PCDHGA8: variants seen among roughly 807,000 people sequenced by gnomAD.
PCDHGA8 encodes the protein protocadherin gamma-A8.
In PCDHGA8, 45 loss-of-function variants were observed where a neutral mutation model predicts 59.2. The observed-to-expected ratio is 0.76, with a 90% confidence interval of 0.60 to 0.98. The LOEUF is 0.98. Among genes scored for constraint, PCDHGA8 ranks in the 50% least tolerant of loss-of-function variants. The pLI, the probability that PCDHGA8 is intolerant of heterozygous loss-of-function variation, is 0.00. For missense variants in PCDHGA8, 1,257 were observed against 1,196.2 expected, an observed-to-expected ratio of 1.05 and a Z score of -0.75; for synonymous variants, 531 against 519.0, an observed-to-expected ratio of 1.02 and a Z score of -0.32.
At position 141,393,430 on chromosome 5, in the gene PCDHGA8, C is replaced by G; in HGVS notation, c.617C>G (p.Ala206Gly). 1 of 1,614,040 alleles carries G rather than the reference C, an allele frequency of 6.2e-7. No homozygotes were observed. Among genetic ancestry groups the G allele is most frequent in the Non-Finnish European group, 8.5e-7 (1 of 1,179,910 alleles). Reference protein sequence around the residue: ...LERALDREEEAAHHLVLTASD... With the variant: ...LERALDREEEGAHHLVLTASD... ...CGCGCCCTGGACAGGGAGGAAGAGGCTGCTCACCACCTGGTCCTCACGGCC... is the reference window on the plus strand; with the variant it reads ...CGCGCCCTGGACAGGGAGGAAGAGGGTGCTCACCACCTGGTCCTCACGGCC... Residue 206 changes from alanine to glycine, a missense_variant, in exon 1 of 4, where the codon GCT (alanine) becomes GGT (glycine). By Grantham distance (60) the Ala-to-Gly change is moderately conservative. Transcript: ENST00000398604.
chr5:141,393,500 C>T lies in PCDHGA8; in HGVS notation c.687C>T (p.His229=), dbSNP rs747121608. 6.2e-6 allele frequency: 10 copies of T among 1,613,922 alleles called. No homozygotes were observed. In the African/African-American group the frequency reaches 6.7e-5, roughly 11 times the overall value. Residue 229 remains histidine, a synonymous_variant, in exon 1 of 4, where the codon CAC becomes CAT. Coordinates refer to ENST00000398604, the MANE Select transcript of PCDHGA8 (RefSeq NM_032088.2). ...KPPRSSTVRI[H]VTVLDTNDNA... is the part of the protein sequence containing the mutation. The stretch of plus-strand genomic sequence containing the variant: ...CTCGCTCTAGCACAGTGCGCATCCA[C>T]GTGACAGTGTTGGATACAAATGACA...
In PCDHGA8 at chr5:141,417,676, C is replaced by G. The variant is rs902104404; in HGVS notation, c.2424+22439C>G. The G allele has an allele frequency of 1.7e-5, 17 of 993,450 alleles. No individual in the cohort carries two copies. The African/African-American group carries it at 2.8e-4, about 16-fold the overall frequency. The allele number at this position is 993,450 out of a possible 1,614,324, so 61.5% of individuals were successfully genotyped here. ...AGCCTGGGATTCCCTGCGCAGCCAACAACAGAAAAGAAAACCAGCTCCCAC... is the reference window on the plus strand; with the variant it reads ...AGCCTGGGATTCCCTGCGCAGCCAAGAACAGAAAAGAAAACCAGCTCCCAC... On this transcript the variant is annotated intron_variant, in intron 1 of 3. Transcript: ENST00000398604.
rs950537869 is a variant in PCDHGA8, at chr5:141,432,150, A to G, written c.2424+36913A>G. 6.2e-7 allele frequency: 1 copy of G among 1,614,010 alleles called. No homozygotes were observed. On this transcript the variant is annotated intron_variant, in intron 1 of 3. Coordinates refer to ENST00000398604, the MANE Select transcript of PCDHGA8 (RefSeq NM_032088.2). The surrounding 1 kb of genome is among the most constrained non-coding windows in gnomAD (Gnocchi z 6.0). ...TCCTATTCCGCTTATATCCCAGAGA[A>G]CAATCCCAGAGGAGTTTCCCTCGTC...
Position 141,491,529 on chromosome 5 carries a change from G to T in PCDHGA8, c.2425-3278G>T, listed in dbSNP as rs1157770121. ...GCACGCTCAAGTACATGGAGGTGAC[G>T]CTGCGGCCCACAGACTCGCAGAGCC... On this transcript the variant is annotated intron_variant, in intron 1 of 3. Transcript: ENST00000398604. This position sits in a 1 kb window ranked among gnomAD's most constrained non-coding sequence, Gnocchi z 6.9. The T allele has an allele frequency of 6.2e-7, 1 of 1,614,040 alleles. No individual in the cohort carries two copies. The highest frequency in any genetic ancestry group is 1.1e-5 in the South Asian group (1 of 91,080).
At chr5:141,469,425 C>T (rs1035406646) in intron 1 of PCDHGA8, among the ~76,000 whole-genome samples, 1 of 151,622 alleles carries the variant, frequency 6.6e-6, no homozygotes, top group East Asian at 1.9e-4. Context: ...AAATATAAAA[C>T]TTAGCTGGGC....
At chr5:141,500,182 ATT>A (rs1199992745) in intron 2 of PCDHGA8, among the ~76,000 whole-genome samples, 2 of 131,622 alleles carry the variant, frequency 1.5e-5, no homozygotes, top group African/African-American at 3.1e-5. Flanking sequence ...CTTCATTTTT[ATT>A]TTTATTTATT....
chr5:141,408,670 T>G, intron 1 of PCDHGA8: 1 of 1,614,008 alleles, frequency 6.2e-7, no homozygotes, highest in Non-Finnish European at 8.5e-7. Context: ...CGCTTGACCC[T>G]GCCACGGATC....
Position 141,491,897 on chromosome 5 carries a change from C to G in PCDHGA8, c.2425-2910C>G. The stretch of plus-strand genomic sequence containing the variant: ...GATTAAGGGATGGGGCTCCGAGCAC[C>G]GGGGGTGGTGGCGACTGTGGGCGAG... On this transcript the variant is annotated intron_variant, in intron 1 of 3. Transcript: ENST00000398604. This position sits in a 1 kb window ranked among gnomAD's most constrained non-coding sequence, Gnocchi z 6.9. 7 of 1,432,534 alleles carry G rather than the reference C, an allele frequency of 4.9e-6. No homozygotes were observed. The highest frequency in any genetic ancestry group is 6.5e-6 in the Non-Finnish European group (7 of 1,082,898). 88.7% of individuals were successfully genotyped at this position (1,432,534 alleles called of 1,614,324 possible).
intron 1 of PCDHGA8, chr5:141,399,208 C>G: frequency 6.2e-7 from 1 of 1,613,958 alleles, no homozygotes; most frequent in Non-Finnish European, 8.5e-7. Context: ...GCCTGGAACA[C>G]TAATTGCTTT....
intron 1 of PCDHGA8, chr5:141,428,270 C>T (rs1353416356): frequency 1.3e-6 from 1 of 778,952 alleles, no homozygotes. Flanking sequence ...AGTCCTGTGC[C>T]CTCTGATTCC....
At chr5:141,418,189 G>A in intron 1 of PCDHGA8, 1 of 1,614,046 alleles carries the variant, frequency 6.2e-7, no homozygotes, top group Admixed American at 1.7e-5. Flanking sequence ...AAGCTGTGGT[G>A]GAAAATCCTT....
In PCDHGA8 at chr5:141,393,348, T is replaced by A; in HGVS notation, c.535T>A (p.Ser179Thr). Residue 179 changes from serine to threonine, a missense_variant, in exon 1 of 4, where the codon TCC becomes ACC. Ser to Thr is a moderately conservative substitution (Grantham distance 58, BLOSUM62 1). Coordinates refer to ENST00000398604, the MANE Select transcript of PCDHGA8 (RefSeq NM_032088.2). ...CCAGCTCAGCCCCAATCACCACTTCTCCCTGGACGTGCAGACTGGAGACAA... is the reference window on the plus strand; with the variant it reads ...CCAGCTCAGCCCCAATCACCACTTCACCCTGGACGTGCAGACTGGAGACAA... ...SYQLSPNHHFSLDVQTGDNGA... is the reference protein window; with the variant it reads ...SYQLSPNHHFTLDVQTGDNGA... 1 of 1,613,848 alleles carries A rather than the reference T, an allele frequency of 6.2e-7. No individual in the cohort carries two copies. The highest frequency in any genetic ancestry group is 8.5e-7 in the Non-Finnish European group (1 of 1,179,844).
chr5:141,448,204 C>G (rs757249025), intron 1 of PCDHGA8, among the ~76,000 whole-genome samples: 28 of 152,124 alleles, frequency 1.8e-4, no homozygotes, highest in South Asian at 4.1e-4. Flanking sequence ...CAAACATTTT[C>G]TGTGTGTATG....
chr5:141,451,116 CCA>C (rs1257364243), intron 1 of PCDHGA8, among the ~76,000 whole-genome samples: 1 of 152,200 alleles, frequency 6.6e-6, no homozygotes, highest in Non-Finnish European at 1.5e-5. Context: ...GCGTGAGCCA[CCA>C]CACCCAGCCT....
chr5:141,429,765 T>C (rs897963458), intron 1 of PCDHGA8, among the ~76,000 whole-genome samples: 1 of 152,230 alleles, frequency 6.6e-6, no homozygotes, highest in East Asian at 1.9e-4. Flanking sequence ...TTTCCCTATA[T>C]TTTGATGGGC....
At chr5:141,458,617 T>A (rs1392739721) in intron 1 of PCDHGA8, among the ~76,000 whole-genome samples, 6 of 152,170 alleles carry the variant, frequency 3.9e-5, no homozygotes, top group Non-Finnish European at 8.8e-5. Flanking sequence ...TCAGCCAGGC[T>A]GGAGTGCAGT....
chr5:141,468,981 A>G (rs1209945826), intron 1 of PCDHGA8, among the ~76,000 whole-genome samples: 4 of 151,852 alleles, frequency 2.6e-5, no homozygotes, highest in East Asian at 1.9e-4. Context: ...TTTGACTTCC[A>G]AAATTATTGT....
At chr5:141,458,459 A>G (rs1232004043) in intron 1 of PCDHGA8, among the ~76,000 whole-genome samples, 1 of 152,006 alleles carries the variant, frequency 6.6e-6, no homozygotes, top group African/African-American at 2.4e-5. Flanking sequence ...AATTTTTAAA[A>G]TACCGTACAA....
intron 1 of PCDHGA8, chr5:141,423,526 A>G (rs1229909527): frequency 6.2e-7 from 1 of 1,613,690 alleles, no homozygotes; most frequent in Non-Finnish European, 8.5e-7. Flanking sequence ...CTCGCAGAAG[A>G]GTCACCTGAT....
Sources: allele counts gnomAD v4.1 joint callset (sites outside exome capture counted in the v4.1 genomes callset), GRCh38; gene constraint gnomAD v4.1.1; non-coding constraint Gnocchi (gnomAD v3.1); transcripts MANE v1.5; gene names NCBI Gene and HGNC (gene_info 2026-07-23, HGNC 2026-07-21).